STOML3: variants seen among roughly 807,000 people sequenced by gnomAD.
STOML3 encodes the protein stomatin-like protein 3.
STOML3 carries 31 observed loss-of-function variants against 29.5 expected under a neutral mutation model. The ratio of observed to expected loss-of-function variants is 1.05; its 90% CI spans 0.79 to 1.42. STOML3 has a LOEUF of 1.42. STOML3 is among the 40% of genes most tolerant of loss of function. The pLI is 0.00. For missense variants in STOML3, 380 were observed against 363.0 expected, an observed-to-expected ratio of 1.05 and a Z score of -0.38; for synonymous variants, 122 against 139.8, an observed-to-expected ratio of 0.87 and a Z score of 0.90.
chr13:38,982,735 C>T (rs1881311490), intron 1 of STOML3, among the ~76,000 whole-genome samples: 1 of 152,178 alleles, frequency 6.6e-6, no homozygotes, highest in African/African-American at 2.4e-5. Context: ...TGAAAAGCTA[C>T]ACATCTCCCT....
intron 1 of STOML3, among the ~76,000 whole-genome samples, chr13:38,987,028 G>C (rs532800270): frequency 6.6e-6 from 1 of 152,084 alleles, no homozygotes; most frequent in Non-Finnish European, 1.5e-5. Flanking sequence ...AGAATAAAAG[G>C]GGGGCAGAAG....
Position 38,968,509 on chromosome 13 carries a change from A to G in STOML3, c.542T>C (p.Leu181Pro). ...IQTLLDDATE[L>P]WGIRVARVEI... ...CACTCGGGCCACCCGGATCCCCCAC[A>G]GTTCGGTGGCATCATCAAGTAAAGT... is the stretch of plus-strand genomic sequence containing the variant. Residue 181 changes from leucine (L) to proline (P), a missense_variant, in exon 6 of 7, where the codon CTG becomes CCG. Coordinates refer to ENST00000379631, the MANE Select transcript of STOML3 (RefSeq NM_145286.3). The G allele has an allele frequency of 2.5e-6, 4 of 1,614,144 alleles. No individual in the cohort carries two copies. Among genetic ancestry groups the G allele is most frequent in the Non-Finnish European group, 3.4e-6 (4 of 1,180,016 alleles).
At chr13:38,990,568 G>C in intron 1 of STOML3, 102 bp downstream of exon 1, 2 of 1,160,482 alleles carry the variant, frequency 1.7e-6, no homozygotes, top group Non-Finnish European at 2.4e-6. Flanking sequence ...GCCGATTTCT[G>C]CAAATATATC....
At chr13:38,978,954 C>T (rs1337914575) in intron 1 of STOML3, among the ~76,000 whole-genome samples, 1 of 151,902 alleles carries the variant, frequency 6.6e-6, no homozygotes, top group African/African-American at 2.4e-5. Flanking sequence ...AAGTTTGTAC[C>T]AACCTCCACG....
chr13:38,976,661 A>G (rs1354007053), intron 2 of STOML3, 33 bp downstream of exon 2: 10 of 1,613,998 alleles, frequency 6.2e-6, no homozygotes, highest in Middle Eastern at 1.6e-4. Flanking sequence ...GTCAGTTCAT[A>G]TAGATAGCCC....
At chr13:38,979,810 G>A (rs1881210960) in intron 1 of STOML3, among the ~76,000 whole-genome samples, 1 of 152,158 alleles carries the variant, frequency 6.6e-6, no homozygotes, top group Non-Finnish European at 1.5e-5. Context: ...TGTGAAGGCA[G>A]CACAGTTCCT....
At chr13:38,975,555 T>C (rs1881043891) in intron 3 of STOML3, among the ~76,000 whole-genome samples, 1 of 152,084 alleles carries the variant, frequency 6.6e-6, no homozygotes, top group Non-Finnish European at 1.5e-5. Context: ...AAAGCAAATG[T>C]TATCAGAGAA....
intron 1 of STOML3, among the ~76,000 whole-genome samples, chr13:38,986,540 T>C (rs1177313865): frequency 6.6e-6 from 1 of 152,098 alleles, no homozygotes; most frequent in Non-Finnish European, 1.5e-5. Flanking sequence ...CTTCCAATCC[T>C]GTGAAGATAC....
intron 1 of STOML3, among the ~76,000 whole-genome samples, chr13:38,984,753 C>T (rs928089502): frequency 6.6e-6 from 1 of 152,180 alleles, no homozygotes; most frequent in Non-Finnish European, 1.5e-5. Flanking sequence ...CATTGTTAAG[C>T]AGTACATGAT....
chr13:38,967,021 G>A lies in STOML3; in HGVS notation c.680C>T (p.Ala227Val). The A allele has an allele frequency of 6.2e-7, 1 of 1,613,878 alleles. No individual in the cohort carries two copies. The highest frequency in any genetic ancestry group is 1.1e-5 in the South Asian group (1 of 91,062). ...KVLAAEGEMN[A>V]SKSLKSASMV... ...GGAGGCTGACTTCAGGGATTTGGAA[G>A]CATTCATTTCTCCTTCAGCTGCAAG... The change falls in exon 7 of 7, where the codon GCT becomes GTT. Residue 227 changes from alanine to valine, a missense_variant. By Grantham distance (64) the Ala-to-Val change is moderately conservative. Transcript: ENST00000379631.
chr13:38,990,755 T>G lies in STOML3; in HGVS notation c.-34A>C, dbSNP rs766396415. ...TGAGAAGCTTTTATACTTGGCAATT[T>G]TTCATGGGTTTGGAGCTAAGTGTGA... is the stretch of plus-strand genomic sequence containing the variant. On this transcript the variant is annotated 5_prime_UTR_variant, in exon 1 of 7. Coordinates refer to ENST00000379631, the MANE Select transcript of STOML3 (RefSeq NM_145286.3). 1 of 1,609,788 alleles carries G rather than the reference T, an allele frequency of 6.2e-7. No individual in the cohort carries two copies. Among genetic ancestry groups the G allele is most frequent in the Non-Finnish European group, 8.5e-7 (1 of 1,176,706 alleles).
intron 3 of STOML3, among the ~76,000 whole-genome samples, chr13:38,974,930 A>T (rs1373726844): frequency 6.6e-6 from 1 of 152,174 alleles, no homozygotes; most frequent in Non-Finnish European, 1.5e-5. Flanking sequence ...GGGCTGTTAT[A>T]CCTCAGTTGA....
intron 1 of STOML3, among the ~76,000 whole-genome samples, chr13:38,981,755 G>C (rs1382544000): frequency 6.6e-6 from 1 of 152,130 alleles, no homozygotes; most frequent in Non-Finnish European, 1.5e-5. Context: ...AAACATTAAA[G>C]ACTGGCAATA....
At chr13:38,971,405 G>C (rs1365086494) in intron 4 of STOML3, among the ~76,000 whole-genome samples, 2 of 152,158 alleles carry the variant, frequency 1.3e-5, no homozygotes, top group African/African-American at 4.8e-5. Flanking sequence ...AGTCCTGGTT[G>C]AGTTTCCTGA....
intron 6 of STOML3, 34 bp from the exon 7 acceptor site, chr13:38,967,083 A>C (rs779011828): frequency 1.3e-6 from 2 of 1,589,714 alleles, no homozygotes; most frequent in African/African-American, 2.7e-5. Flanking sequence ...TTCAGAAATA[A>C]AAGTTTACAC....
intron 3 of STOML3, among the ~76,000 whole-genome samples, chr13:38,973,096 TAAAAAAAAAAAAAAAAAAAAA>T (rs71074495): frequency 9.2e-5 from 3 of 32,554 alleles, no homozygotes; most frequent in African/African-American, 2.5e-4. Flanking sequence ...CCGTCTCTAC[TAAAAAAAAAAAAAAAAAAAAA>T]AAAAAAAAAA....
At chr13:38,981,914 A>G (rs1175428685) in intron 1 of STOML3, among the ~76,000 whole-genome samples, 1 of 152,200 alleles carries the variant, frequency 6.6e-6, no homozygotes, top group African/African-American at 2.4e-5. Context: ...CTTCCAACTA[A>G]TACCTGAGAG....
chr13:38,968,590 T>C, intron 5 of STOML3, 56 bp from the exon 6 acceptor site: 1 of 1,595,782 alleles, frequency 6.3e-7, no homozygotes, highest in East Asian at 2.2e-5. Context: ...ATGATGTATG[T>C]TTCTGATATG....
chr13:38,966,732 A>G lies in STOML3; in HGVS notation c.*93T>C, dbSNP rs938820435. The stretch of plus-strand genomic sequence containing the variant: ...CATCTATGGAGTTACTGTTACATGA[A>G]CAGTGTTGGAATTCTCACCGTTTCT... On this transcript the variant is annotated 3_prime_UTR_variant, in exon 7 of 7. Transcript: ENST00000379631. 3.9e-6 allele frequency: 4 copies of G among 1,028,098 alleles called. No individual in the cohort carries two copies. Among genetic ancestry groups the G allele is most frequent in the African/African-American group, 1.6e-5 (1 of 62,888 alleles). 63.7% of individuals were successfully genotyped at this position (1,028,098 alleles called of 1,614,324 possible).
Sources: allele counts gnomAD v4.1 joint callset (sites outside exome capture counted in the v4.1 genomes callset), GRCh38; gene constraint gnomAD v4.1.1; transcripts MANE v1.5; gene names NCBI Gene and HGNC (gene_info 2026-07-23, HGNC 2026-07-21).